The following ZC4H2 variants were observed in gnomAD, a reference collection of about 807,000 sequenced individuals.
ZC4H2 encodes zinc finger C4H2-type containing, also known as zinc finger C4H2 domain-containing protein.
For synonymous variants in ZC4H2, 84 were observed against 66.3 expected (o/e 1.27, Z -1.30); for missense variants, 137 against 173.9 (o/e 0.79, Z 1.19).
chrX:65,005,858 T>G (rs1414536979), intron 1 of ZC4H2, among the ~76,000 whole-genome samples: 1 of 105,509 alleles, frequency 9.5e-6, no homozygotes, highest in Non-Finnish European at 2.0e-5. Context: ...TAAACACATT[T>G]AGAAAAAAAA....
intron 1 of ZC4H2, among the ~76,000 whole-genome samples, chrX:64,946,275 G>A (rs900849266): frequency 9.0e-6 from 1 of 111,671 alleles, no homozygotes; most frequent in African/African-American, 3.3e-5. Context: ...TAGTCTGCAG[G>A]TTGCAAAAAC....
intron 3 of ZC4H2, 104 bp downstream of exon 3, chrX:64,919,977 C>T (rs1929114337): frequency 2.2e-6 from 2 of 898,699 alleles, no homozygotes; most frequent in African/African-American, 2.0e-5. Flanking sequence ...GACTTTCAGG[C>T]TAGGCTTTGT....
chrX:65,015,446 T>C (rs1184787682), intron 1 of ZC4H2, among the ~76,000 whole-genome samples: 1 of 112,222 alleles, frequency 8.9e-6, no homozygotes, highest in African/African-American at 3.2e-5. Flanking sequence ...CAATGATGGG[T>C]ATGATGGCAC....
intron 1 of ZC4H2, among the ~76,000 whole-genome samples, chrX:64,929,730 C>T (rs1244230624): frequency 9.0e-6 from 1 of 111,422 alleles, no homozygotes. Context: ...GGTCTTCATG[C>T]CTATTTTTAT....
intron 3 of ZC4H2, chrX:64,919,704 T>A (rs1234029388): frequency 6.4e-6 from 1 of 156,556 alleles, no homozygotes. Flanking sequence ...GAAAGCTCAG[T>A]CTTTTTTGTT....
At chrX:64,933,223 C>T (rs1048338047) in intron 1 of ZC4H2, among the ~76,000 whole-genome samples, 2 of 111,238 alleles carry the variant, frequency 1.8e-5, no homozygotes, top group Admixed American at 9.6e-5. Flanking sequence ...TTGTTTTTTC[C>T]TTTATGATAT....
chrX:65,018,602 G>A (rs1039523525), intron 1 of ZC4H2, among the ~76,000 whole-genome samples: 2 of 110,516 alleles, frequency 1.8e-5, no homozygotes, highest in African/African-American at 6.7e-5. Flanking sequence ...AAAACTGGGC[G>A]GCCATTTGGG....
chrX:64,996,575 C>T (rs891997835), intron 1 of ZC4H2, among the ~76,000 whole-genome samples: 7 of 111,413 alleles, frequency 6.3e-5, no homozygotes, highest in African/African-American at 2.3e-4. Flanking sequence ...AAACCATGAG[C>T]AATGAACTAA....
At chrX:65,003,702 C>T (rs751558894) in intron 1 of ZC4H2, among the ~76,000 whole-genome samples, 1 of 109,571 alleles carries the variant, frequency 9.1e-6, no homozygotes, top group Non-Finnish European at 1.9e-5. Context: ...ATGGCGAAAC[C>T]CCGTCTCTAT....
chrX:64,999,048 T>TG (rs1932478616), intron 1 of ZC4H2, among the ~76,000 whole-genome samples: 1 of 95,322 alleles, frequency 1.0e-5, no homozygotes, highest in Non-Finnish European at 2.1e-5. Flanking sequence ...TGTTTTTTTT[T>TG]TTTTTTTTTT....
rs1020709252 is a variant in ZC4H2, at chrX:64,916,435, A to G, written c.*1348T>C. ...AATACACAGTAGATACTCAGAATTTACTCCAATGAATGCATGTTAAAAGGA... is the reference window on the plus strand; with the variant it reads ...AATACACAGTAGATACTCAGAATTTGCTCCAATGAATGCATGTTAAAAGGA... On this transcript the variant is annotated 3_prime_UTR_variant, in exon 5 of 5. Transcript: ENST00000374839. 3.6e-5 allele frequency: 4 copies of G among 111,981 alleles called. No individual in the cohort carries two copies. The highest frequency in any genetic ancestry group is 1.3e-4 in the African/African-American group (4 of 30,828). 9.2% of individuals were successfully genotyped at this position (111,981 alleles called of 1,213,427 possible).
chrX:64,954,017 A>G (rs949914625), intron 1 of ZC4H2, among the ~76,000 whole-genome samples: 16 of 109,079 alleles, frequency 1.5e-4, no homozygotes, highest in Admixed American at 8.0e-4. Flanking sequence ...TGTCCTTTGT[A>G]GGGACATGGA....
intron 1 of ZC4H2, among the ~76,000 whole-genome samples, chrX:64,971,973 G>A (rs1022462441): frequency 5.4e-5 from 6 of 111,263 alleles, no homozygotes; most frequent in Non-Finnish European, 1.1e-4. Context: ...TGTACTTGGG[G>A]AGCTGGTGTA....
chrX:64,972,593 A>T (rs1287016898), intron 1 of ZC4H2, among the ~76,000 whole-genome samples: 1 of 111,900 alleles, frequency 8.9e-6, no homozygotes, highest in Non-Finnish European at 1.9e-5. Flanking sequence ...TGTGCATGCC[A>T]TGTGAATAGG....
intron 1 of ZC4H2, among the ~76,000 whole-genome samples, chrX:64,964,338 G>A (rs1485624758): frequency 1.8e-5 from 2 of 111,029 alleles, no homozygotes; most frequent in African/African-American, 3.3e-5. Flanking sequence ...TTTGATTAAA[G>A]CTACACGCCC....
chrX:64,951,693 G>C (rs1930845644), intron 1 of ZC4H2, among the ~76,000 whole-genome samples: 1 of 110,949 alleles, frequency 9.0e-6, no homozygotes, highest in Admixed American at 9.5e-5. Flanking sequence ...GTAGATTCTG[G>C]ATATTAGCCC....
intron 3 of ZC4H2, 166 bp downstream of exon 3, chrX:64,919,915 A>G (rs984563821): frequency 1.4e-5 from 6 of 438,036 alleles, no homozygotes; most frequent in African/African-American, 1.3e-4. Context: ...CTTGCCCAAG[A>G]TCACACAGTG....
chrX:64,974,671 A>C (rs1931884033), intron 1 of ZC4H2, among the ~76,000 whole-genome samples: 1 of 111,067 alleles, frequency 9.0e-6, no homozygotes, highest in Non-Finnish European at 1.9e-5. Context: ...CTCTGGGCCT[A>C]TGCTGATTCC....
Position 64,920,568 on chromosome X carries a change from C to T in ZC4H2, c.226-315G>A, listed in dbSNP as rs1421542392. 1.3e-4 allele frequency among the ~76,000 whole-genome samples: 15 copies of T among 112,272 alleles called. No individual in the cohort carries two copies. The Admixed American group carries it at 1.4e-3, about 11-fold the overall frequency. On this transcript the variant is annotated intron_variant, in intron 2 of 4. Coordinates refer to ENST00000374839, the MANE Select transcript of ZC4H2 (RefSeq NM_018684.4). ...ATTGTTCAAATATAGTATCTTAGAG[C>T]TGGAATGTCCTTCAGAGCTCATTTA... is the stretch of plus-strand genomic sequence containing the variant.
Sources: gnomAD v4.1 joint callset for allele counts (sites outside exome capture counted in the v4.1 genomes callset) on GRCh38, gnomAD v4.1.1 for gene constraint, MANE v1.5 for transcripts, NCBI Gene and HGNC (gene_info 2026-07-23, HGNC 2026-07-21) for gene names.